Variants in NIPBL observed in about 807,000 individuals in gnomAD.
The protein encoded by NIPBL is nipped-B-like protein.
NIPBL carries 19 observed loss-of-function variants against 321.8 expected under a neutral mutation model. The ratio of observed to expected loss-of-function variants is 0.06; its 90% CI spans 0.04 to 0.09. The LOEUF (loss-of-function observed/expected upper bound fraction) is 0.09, where lower values mean the gene tolerates loss of function less well. Ranked by LOEUF, NIPBL falls within the 10% of genes least tolerant of loss-of-function variation. NIPBL has a pLI of 1.00. For missense variants in NIPBL, 2,210 were observed against 3,327.0 expected (o/e 0.66, Z 8.26); for synonymous variants, 1,106 against 1,114.1 (o/e 0.99, Z 0.14).
At chr5:36,883,000 A>C (rs560504389) in intron 1 of NIPBL, among the ~76,000 whole-genome samples, 1 of 151,918 alleles carries the variant, frequency 6.6e-6, no homozygotes, top group African/African-American at 2.4e-5. Context: ...TGTGGAATAT[A>C]TTAAATGTAG....
At position 37,008,065 on chromosome 5, in the gene NIPBL, T is replaced by C; in HGVS notation, c.4297T>C (p.Cys1433Arg). The C allele has an allele frequency of 1.2e-6, 2 of 1,609,682 alleles. No homozygotes were observed. The highest frequency in any genetic ancestry group is 1.7e-6 in the Non-Finnish European group (2 of 1,176,216). Residue 1433 changes from cysteine (C) to arginine (R), a missense_variant, in exon 19 of 47, where the codon TGT becomes CGT. Coordinates refer to ENST00000282516, the MANE Select transcript of NIPBL (RefSeq NM_133433.4). ...FVENVSELQL[C>R]AIKLVTAVFS... ...GGAAAATGTCAGTGAACTACAGTTG[T>C]GTGCCATTAAGTTAGTCACTGCAGT...
At chr5:36,923,924 T>C (rs1749150938) in intron 1 of NIPBL, among the ~76,000 whole-genome samples, 2 of 152,206 alleles carry the variant, frequency 1.3e-5, no homozygotes, top group Non-Finnish European at 1.5e-5. Context: ...AATTCCTGTT[T>C]TAAAGTGGTT....
At chr5:36,917,555 C>T (rs185559723) in intron 1 of NIPBL, among the ~76,000 whole-genome samples, 27 of 152,258 alleles carry the variant, frequency 1.8e-4, no homozygotes, top group Middle Eastern at 3.4e-3. Flanking sequence ...CATTTACATT[C>T]GGTAAATGAC....
At chr5:37,058,555 C>T (rs1162363636) in intron 43 of NIPBL, among the ~76,000 whole-genome samples, 2 of 152,196 alleles carry the variant, frequency 1.3e-5, no homozygotes, top group African/African-American at 4.8e-5. Flanking sequence ...ATTATAATTA[C>T]TGCTTTTCCT....
intron 21 of NIPBL, among the ~76,000 whole-genome samples, chr5:37,013,039 G>A (rs1273962557): frequency 4.9e-5 from 7 of 142,662 alleles, no homozygotes; most frequent in Non-Finnish European, 9.2e-5. Context: ...CCGGACGGGG[G>A]GCTGACCCCC....
intron 1 of NIPBL, among the ~76,000 whole-genome samples, chr5:36,896,187 A>G (rs893074925): frequency 2.6e-5 from 4 of 152,226 alleles, no homozygotes; most frequent in Non-Finnish European, 5.9e-5. Context: ...TGAAAAGACT[A>G]TTCTTTCCCA....
At chr5:36,945,266 A>G (rs1739539505) in intron 1 of NIPBL, among the ~76,000 whole-genome samples, 1 of 152,132 alleles carries the variant, frequency 6.6e-6, no homozygotes, top group African/African-American at 2.4e-5. Flanking sequence ...TAAACTTTGC[A>G]TAACTAACTA....
At chr5:36,883,496 A>G (rs1434891480) in intron 1 of NIPBL, among the ~76,000 whole-genome samples, 1 of 152,048 alleles carries the variant, frequency 6.6e-6, no homozygotes, top group Admixed American at 6.5e-5. Context: ...TTATTTTTAT[A>G]TGAGCACTAT....
intron 40 of NIPBL, among the ~76,000 whole-genome samples, chr5:37,050,318 G>C (rs780595606): frequency 6.6e-6 from 1 of 151,884 alleles, no homozygotes; most frequent in African/African-American, 2.4e-5. Context: ...ACAAAAATTA[G>C]CCAGGTGTGG....
Position 36,876,993 on chromosome 5 carries a change from AAGG to A in NIPBL, c.-251_-249del, listed in dbSNP as rs1347733454. The A allele has an allele frequency of 2.0e-3, 764 of 379,768 alleles. No homozygotes were observed. The highest frequency in any genetic ancestry group is 3.4e-3 in the East Asian group (90 of 26,332). 23.5% of individuals were successfully genotyped at this position (379,768 alleles called of 1,614,324 possible). ...GTTTGTGAGTGTTTCTATGTGGGAG[AAGG>A]AGGAGGAGGAGGAAGAAGAAGCAAC... On this transcript the variant is annotated 5_prime_UTR_variant, in exon 1 of 47. Coordinates refer to ENST00000282516, the MANE Select transcript of NIPBL (RefSeq NM_133433.4).
chr5:36,885,246 G>A, intron 1 of NIPBL: 1 of 531,164 alleles, frequency 1.9e-6, no homozygotes, highest in Non-Finnish European at 3.8e-6. Flanking sequence ...ACCAACTACT[G>A]GTTCCTGGGC....
At chr5:36,920,839 T>TTA (rs1485073013) in intron 1 of NIPBL, among the ~76,000 whole-genome samples, 1 of 151,864 alleles carries the variant, frequency 6.6e-6, no homozygotes, top group African/African-American at 2.4e-5. Context: ...TTTTTTTTTT[T>TTA]CAAAGACTGC....
intron 1 of NIPBL, among the ~76,000 whole-genome samples, chr5:36,928,024 A>G (rs529010228): frequency 3.5e-4 from 54 of 152,136 alleles, no homozygotes; most frequent in Non-Finnish European, 5.9e-4. Flanking sequence ...CTTTCTTTCA[A>G]TAAAACCATA....
intron 9 of NIPBL, among the ~76,000 whole-genome samples, chr5:36,977,490 A>G (rs1743612386): frequency 1.3e-5 from 2 of 151,932 alleles, no homozygotes; most frequent in African/African-American, 4.8e-5. Flanking sequence ...GTATTTAGTA[A>G]TTGTTGTACT....
chr5:36,991,458 T>C (rs1410729992), intron 10 of NIPBL, among the ~76,000 whole-genome samples: 1 of 152,136 alleles, frequency 6.6e-6, no homozygotes, highest in Non-Finnish European at 1.5e-5. Context: ...ATCTGTACTT[T>C]ATATTCAGTG....
chr5:36,882,379 G>A (rs1030391196), intron 1 of NIPBL, among the ~76,000 whole-genome samples: 2 of 151,782 alleles, frequency 1.3e-5, no homozygotes, highest in Admixed American at 1.3e-4. Context: ...AGTTCCTCAA[G>A]GTATTGAAAA....
chr5:36,952,053 T>TGTGCGTGCGC (rs778597604), intron 1 of NIPBL, among the ~76,000 whole-genome samples: 9 of 112,214 alleles, frequency 8.0e-5, no homozygotes, highest in Non-Finnish European at 1.3e-4. Flanking sequence ...TGTGTGTGTG[T>TGTGCGTGCGC]GCGCGCGCGC....
intron 44 of NIPBL, among the ~76,000 whole-genome samples, chr5:37,059,510 A>C (rs1040708882): frequency 1.3e-5 from 2 of 152,196 alleles, no homozygotes; most frequent in Non-Finnish European, 2.9e-5. Context: ...CTGTCTAAAA[A>C]AATAATAATA....
intron 1 of NIPBL, among the ~76,000 whole-genome samples, chr5:36,907,970 G>T (rs1044406090): frequency 2.6e-5 from 4 of 152,118 alleles, no homozygotes; most frequent in Non-Finnish European, 4.4e-5. Context: ...AGCTAAGCAG[G>T]TATCTATCTT....
Sources: gnomAD v4.1 joint callset for allele counts (sites outside exome capture counted in the v4.1 genomes callset) on GRCh38, gnomAD v4.1.1 for gene constraint, MANE v1.5 for transcripts, NCBI Gene and HGNC (gene_info 2026-07-23, HGNC 2026-07-21) for gene names.